Variants in SRGAP1 observed in about 807,000 individuals in gnomAD.
The protein encoded by SRGAP1 is SLIT-ROBO Rho GTPase activating protein 1.
In SRGAP1, 43 loss-of-function variants were observed where a neutral mutation model predicts 121.9. The observed-to-expected ratio is 0.35, with a 90% CI of 0.28 to 0.46. SRGAP1 has a LOEUF of 0.46. Among genes scored for constraint, SRGAP1 ranks in the 20% least tolerant of loss-of-function variants. The pLI, the probability that SRGAP1 is intolerant of heterozygous loss-of-function variation, is 1.00. For synonymous variants in SRGAP1, 447 were observed against 485.4 expected (o/e 0.92, Z 1.04); for missense variants, 1,102 against 1,350.9 (o/e 0.82, Z 2.89).
At chr12:63,924,055 C>T (rs1040926778) in intron 1 of SRGAP1, among the ~76,000 whole-genome samples, 64 of 151,992 alleles carry the variant, frequency 4.2e-4, no homozygotes, top group African/African-American at 1.4e-3. Flanking sequence ...GCAGGAGAAT[C>T]GCTTGAACCT....
chr12:64,136,121 A>C (rs1298837513), intron 21 of SRGAP1, among the ~76,000 whole-genome samples: 1 of 152,308 alleles, frequency 6.6e-6, no homozygotes, highest in East Asian at 1.9e-4. Context: ...CCAGCCCACT[A>C]ACTCCAATGT....
chr12:63,910,414 C>G lies in SRGAP1; in HGVS notation c.67+65531C>G, dbSNP rs2136315725. Among the ~76,000 whole-genome samples the G allele has an allele frequency of 2.0e-5, 3 of 152,316 alleles. No individual in the cohort carries two copies. The South Asian group carries it at 6.2e-4, about 32-fold the overall frequency. On this transcript the variant is annotated intron_variant, in intron 1 of 21. Coordinates refer to ENST00000355086, the MANE Select transcript of SRGAP1 (RefSeq NM_020762.4). ...CACCTCAAGGTCACTGATCTATAAT[C>G]TGCTATTGTCTTTAGCTGACTATCC...
intron 1 of SRGAP1, 111 bp from the exon 2 acceptor site, chr12:63,983,836 A>AATATTTAAATAATATT (rs2033337113): frequency 1.0e-5 from 1 of 99,936 alleles, no homozygotes; most frequent in Non-Finnish European, 1.9e-5. Context: ...ATATATATAT[A>AATATTTAAATAATATT]TATATATATA....
chr12:63,875,748 A>G (rs886799032), intron 1 of SRGAP1, among the ~76,000 whole-genome samples: 8 of 152,196 alleles, frequency 5.3e-5, no homozygotes, highest in Non-Finnish European at 1.5e-5. Flanking sequence ...AATTCTTTGT[A>G]AGAACGTAAT....
chr12:63,855,773 C>T (rs1021101458), intron 1 of SRGAP1, among the ~76,000 whole-genome samples: 1 of 150,100 alleles, frequency 6.7e-6, no homozygotes, highest in Non-Finnish European at 1.5e-5. Context: ...CAGGCGTGAG[C>T]CACCATGCCC....
At chr12:63,972,569 A>C (rs558217087) in intron 1 of SRGAP1, among the ~76,000 whole-genome samples, 2 of 152,356 alleles carry the variant, frequency 1.3e-5, no homozygotes, top group East Asian at 3.9e-4. Flanking sequence ...TTATTGAAAC[A>C]GATGTACACC....
chr12:64,076,515 A>T (rs1189904169), intron 8 of SRGAP1, among the ~76,000 whole-genome samples: 1 of 152,240 alleles, frequency 6.6e-6, no homozygotes, highest in East Asian at 1.9e-4. Flanking sequence ...ATAAATCATG[A>T]AAGCAGACAA....
Position 63,959,675 on chromosome 12 carries a change from C to T in SRGAP1, c.68-24272C>T, listed in dbSNP as rs61175031. ...ATTATGATTCTTTTAAATAAGTCTT[C>T]CAGTTAATAATAATTACGTTTATTG... is the stretch of plus-strand genomic sequence containing the variant. On this transcript the variant is annotated intron_variant, in intron 1 of 21. Transcript: ENST00000355086. 3.1e-4 allele frequency among the ~76,000 whole-genome samples: 47 copies of T among 150,608 alleles called. 1 individual carries two copies. Among genetic ancestry groups the T allele is most frequent in the South Asian group, 1.0e-3 (5 of 4,780 alleles).
chr12:64,141,894 G>C (rs1046731321), intron 21 of SRGAP1, among the ~76,000 whole-genome samples: 2 of 152,156 alleles, frequency 1.3e-5, no homozygotes, highest in Non-Finnish European at 2.9e-5. Context: ...CTACTCAGGA[G>C]GTAGGAGGAT....
chr12:63,933,094 A>C (rs980648879), intron 1 of SRGAP1, among the ~76,000 whole-genome samples: 23 of 152,162 alleles, frequency 1.5e-4, no homozygotes, highest in Non-Finnish European at 3.1e-4. Context: ...AGGCTGAAGC[A>C]GGAGAATCAC....
intron 1 of SRGAP1, among the ~76,000 whole-genome samples, chr12:63,889,492 A>G (rs1429950310): frequency 6.6e-6 from 1 of 152,230 alleles, no homozygotes. Context: ...TCATAGGAGC[A>G]GCTGCTGCTG....
chr12:64,023,600 A>G (rs1396530700), intron 4 of SRGAP1, among the ~76,000 whole-genome samples: 8 of 152,236 alleles, frequency 5.3e-5, no homozygotes, highest in African/African-American at 1.4e-4. Context: ...AGATGTCATG[A>G]TAAATCCATG....
chr12:63,892,683 A>G (rs1049969455), intron 1 of SRGAP1, among the ~76,000 whole-genome samples: 2 of 152,136 alleles, frequency 1.3e-5, no homozygotes, highest in African/African-American at 4.8e-5. Flanking sequence ...CTGTCTTTGA[A>G]TCCTGTCTCC....
chr12:63,897,452 C>G (rs1900791214), intron 1 of SRGAP1, among the ~76,000 whole-genome samples: 1 of 152,094 alleles, frequency 6.6e-6, no homozygotes, highest in Middle Eastern at 3.2e-3. Context: ...ATTGCAATGA[C>G]TTTTATTTGG....
intron 1 of SRGAP1, among the ~76,000 whole-genome samples, chr12:63,858,631 A>C (rs562265144): frequency 1.3e-5 from 2 of 152,190 alleles, no homozygotes; most frequent in Admixed American, 1.3e-4. Flanking sequence ...TAAACTGCTA[A>C]TCAGTAGTTA....
At chr12:64,099,929 A>G (rs981266886) in intron 15 of SRGAP1, among the ~76,000 whole-genome samples, 1 of 152,234 alleles carries the variant, frequency 6.6e-6, no homozygotes. Context: ...AACTGAGGCC[A>G]TAGAGTCAGA....
intron 1 of SRGAP1, among the ~76,000 whole-genome samples, chr12:63,884,496 T>C (rs2136289695): frequency 6.6e-6 from 1 of 152,324 alleles, no homozygotes; most frequent in Non-Finnish European, 1.5e-5. Context: ...GGGTAGTTAG[T>C]GCGCCCAGCA....
chr12:64,136,163 A>G (rs2036853096), intron 21 of SRGAP1, among the ~76,000 whole-genome samples: 1 of 152,160 alleles, frequency 6.6e-6, no homozygotes, highest in Admixed American at 6.5e-5. Flanking sequence ...TCACAGATAC[A>G]CCCAGGATTA....
intron 4 of SRGAP1, among the ~76,000 whole-genome samples, chr12:64,025,702 G>A (rs1024831762): frequency 6.6e-6 from 1 of 152,136 alleles, no homozygotes; most frequent in Non-Finnish European, 1.5e-5. Flanking sequence ...GCTGACAAAG[G>A]ATTTCCGTAC....
Sources: allele counts gnomAD v4.1 joint callset (sites outside exome capture counted in the v4.1 genomes callset), GRCh38; gene constraint gnomAD v4.1.1; transcripts MANE v1.5; gene names NCBI Gene and HGNC (gene_info 2026-07-23, HGNC 2026-07-21).